Variants in PPM1E observed in about 807,000 individuals in gnomAD.
The protein encoded by PPM1E is protein phosphatase, Mg2+/Mn2+ dependent 1E.
PPM1E carries 20 observed loss-of-function variants against 65.9 expected under a neutral mutation model. The observed-to-expected ratio is 0.30, with a 90% CI of 0.21 to 0.44. The LOEUF is 0.44. Among genes scored for constraint, PPM1E ranks in the 20% least tolerant of loss-of-function variants. The pLI is 1.00. For synonymous variants in PPM1E, 352 were observed against 374.9 expected (o/e 0.94, Z 0.70); for missense variants, 713 against 953.1 (o/e 0.75, Z 3.32).
chr17:58,768,829 C>G (rs1445956280), intron 1 of PPM1E, among the ~76,000 whole-genome samples: 1 of 152,120 alleles, frequency 6.6e-6, no homozygotes, highest in Non-Finnish European at 1.5e-5. Flanking sequence ...GCCACTATGT[C>G]TGGCTAATTT....
rs150386083 is a variant in PPM1E, at chr17:58,800,054, A to G, written c.464+43593A>G. Among the ~76,000 whole-genome samples, 107 of 152,324 alleles carry G rather than the reference A, an allele frequency of 7.0e-4. 1 individual carries two copies. Among genetic ancestry groups the G allele is most frequent in the Middle Eastern group, 3.4e-3 (1 of 294 alleles). The stretch of plus-strand genomic sequence containing the variant: ...TTACATTGACTATGTGTGTAAATCA[A>G]TTAGCAAAGAAAGTAAATCTTATTG... On this transcript the variant is annotated intron_variant, in intron 1 of 6. Coordinates refer to ENST00000308249, the MANE Select transcript of PPM1E (RefSeq NM_014906.5).
intron 1 of PPM1E, among the ~76,000 whole-genome samples, chr17:58,939,638 G>T (rs983552124): frequency 4.6e-5 from 7 of 151,912 alleles, no homozygotes; most frequent in Admixed American, 2.0e-4. Context: ...AACTAAATGG[G>T]CCCCTAATTA....
At chr17:58,857,254 T>C (rs1202008085) in intron 1 of PPM1E, among the ~76,000 whole-genome samples, 1 of 152,176 alleles carries the variant, frequency 6.6e-6, no homozygotes, top group African/African-American at 2.4e-5. Context: ...CCACATTGAA[T>C]GGAAGATTTT....
rs771174647 is a variant in PPM1E at position 58,984,849 on chromosome 17, G to C, written c.*3818G>C. ...GGAACTCCAGACTGACACAGCAGTTGTTTTTGAAAAGGAAATAAACTTTGA... is the reference window on the plus strand; with the variant it reads ...GGAACTCCAGACTGACACAGCAGTTCTTTTTGAAAAGGAAATAAACTTTGA... On this transcript the variant is annotated 3_prime_UTR_variant, in exon 7 of 7. Coordinates refer to ENST00000308249, the MANE Select transcript of PPM1E (RefSeq NM_014906.5). 2 of 152,416 alleles carry C rather than the reference G, an allele frequency of 1.3e-5. No homozygotes were observed. Among genetic ancestry groups the C allele is most frequent in the African/African-American group, 4.8e-5 (2 of 41,452 alleles). The allele number at this position is 152,416 out of a possible 1,614,324, so 9.4% of individuals were successfully genotyped here.
At chr17:58,859,596 G>A (rs749644686) in intron 1 of PPM1E, among the ~76,000 whole-genome samples, 9 of 152,172 alleles carry the variant, frequency 5.9e-5, no homozygotes, top group Non-Finnish European at 1.3e-4. Context: ...AGAGGAAGGA[G>A]GTGACTTTGT....
chr17:58,780,131 G>C (rs1390157306), intron 1 of PPM1E, among the ~76,000 whole-genome samples: 1 of 152,182 alleles, frequency 6.6e-6, no homozygotes, highest in Non-Finnish European at 1.5e-5. Flanking sequence ...GAAATATAGG[G>C]TATGCATGCT....
At chr17:58,841,086 G>T (rs2050713126) in intron 1 of PPM1E, among the ~76,000 whole-genome samples, 1 of 152,130 alleles carries the variant, frequency 6.6e-6, no homozygotes. Flanking sequence ...CTCACCCTGG[G>T]GCACCCCCCT....
chr17:58,815,004 A>G (rs941410455), intron 1 of PPM1E, among the ~76,000 whole-genome samples: 6 of 152,210 alleles, frequency 3.9e-5, no homozygotes, highest in Non-Finnish European at 8.8e-5. Context: ...TGAATCCTCA[A>G]CGATAAAAGT....
intron 1 of PPM1E, among the ~76,000 whole-genome samples, chr17:58,916,376 ATTAATTCTTG>A (rs1284623487): frequency 6.6e-6 from 1 of 152,226 alleles, no homozygotes; most frequent in Non-Finnish European, 1.5e-5. Context: ...TAAATATTTA[ATTAATTCTTG>A]TACATTCTCC....
intron 1 of PPM1E, among the ~76,000 whole-genome samples, chr17:58,887,967 T>C (rs1480662592): frequency 1.3e-5 from 2 of 152,138 alleles, no homozygotes; most frequent in Non-Finnish European, 2.9e-5. Flanking sequence ...GAAGAAGCAA[T>C]AGGACTTGTT....
chr17:58,978,045 G>C (rs1019464603), intron 6 of PPM1E, among the ~76,000 whole-genome samples: 4 of 152,264 alleles, frequency 2.6e-5, no homozygotes, highest in African/African-American at 9.6e-5. Context: ...ACTTTCTTGT[G>C]TCAAAGAGAA....
chr17:58,972,723 G>T, intron 5 of PPM1E, 109 bp from the exon 6 acceptor site: 1 of 987,428 alleles, frequency 1.0e-6, no homozygotes, highest in East Asian at 2.5e-5. Flanking sequence ...GAGAAACAAA[G>T]AGAACCTTTT....
chr17:58,821,740 T>TA (rs574777295), intron 1 of PPM1E, among the ~76,000 whole-genome samples: 81 of 152,298 alleles, frequency 5.3e-4, no homozygotes, highest in African/African-American at 1.8e-3. Context: ...TGAAGAAACT[T>TA]ATTTTGAGAC....
intron 1 of PPM1E, among the ~76,000 whole-genome samples, chr17:58,786,421 C>T (rs1197989041): frequency 6.6e-6 from 1 of 152,128 alleles, no homozygotes. Context: ...AATAAGAGTT[C>T]CTTGAATACA....
intron 1 of PPM1E, among the ~76,000 whole-genome samples, chr17:58,827,021 C>T (rs765426449): frequency 2.0e-5 from 3 of 151,820 alleles, no homozygotes; most frequent in Non-Finnish European, 4.4e-5. Context: ...CTCTCTTTCT[C>T]GGTCTTCTTT....
At chr17:58,825,709 A>C (rs1215550471) in intron 1 of PPM1E, among the ~76,000 whole-genome samples, 1 of 151,848 alleles carries the variant, frequency 6.6e-6, no homozygotes, top group East Asian at 2.0e-4. Context: ...AGCTGGGATT[A>C]CAGGCACCCA....
chr17:58,884,936 T>G (rs1164123460), intron 1 of PPM1E, among the ~76,000 whole-genome samples: 1 of 152,196 alleles, frequency 6.6e-6, no homozygotes, highest in Admixed American at 6.5e-5. Context: ...AGTAAAATAT[T>G]AATCTCCTTA....
At chr17:58,923,451 A>T (rs2051780405) in intron 1 of PPM1E, among the ~76,000 whole-genome samples, 1 of 152,044 alleles carries the variant, frequency 6.6e-6, no homozygotes, top group African/African-American at 2.4e-5. Context: ...CATTCCTAAA[A>T]AAAAGTCATT....
chr17:58,756,270 G>A lies in PPM1E; in HGVS notation c.273G>A (p.Ala91=). The A allele has an allele frequency of 6.5e-7, 1 of 1,548,420 alleles. No individual in the cohort carries two copies. Among genetic ancestry groups the A allele is most frequent in the East Asian group, 2.4e-5 (1 of 40,850 alleles). Residue 91 remains alanine (A), a synonymous_variant, in exon 1 of 7, where the codon GCG becomes GCA. Transcript: ENST00000308249. ...QEQDPEPEEE[A]AVEGEEEEEG... ...AAGACCCGGAGCCCGAGGAGGAGGC[G>A]GCGGTTGAGGGTGAGGAGGAGGAGG...
Sources: gnomAD v4.1 joint callset for allele counts (sites outside exome capture counted in the v4.1 genomes callset) on GRCh38, gnomAD v4.1.1 for gene constraint, MANE v1.5 for transcripts, NCBI Gene and HGNC (gene_info 2026-07-23, HGNC 2026-07-21) for gene names.